Variants in ARHGEF12 observed in about 807,000 individuals in gnomAD.
ARHGEF12 encodes the protein KMT2A/ARHGEF12 fusion protein.
In ARHGEF12, 66 loss-of-function variants were observed where a neutral mutation model predicts 211.2. That is an observed-to-expected ratio of 0.31 (90% CI 0.26 to 0.38). The LOEUF (loss-of-function observed/expected upper bound fraction) is 0.38, where lower values mean the gene tolerates loss of function less well. Ranked by LOEUF, ARHGEF12 falls within the 10% of genes least tolerant of loss-of-function variation. The pLI, the probability that ARHGEF12 is intolerant of heterozygous loss-of-function variation, is 1.00. For synonymous variants in ARHGEF12, 592 were observed against 638.4 expected, an observed-to-expected ratio of 0.93 and a Z score of 1.09; for missense variants, 1,429 against 1,869.5, an observed-to-expected ratio of 0.76 and a Z score of 4.34.
intron 30 of ARHGEF12, among the ~76,000 whole-genome samples, chr11:120,472,721 C>G (rs185849949): frequency 2.0e-4 from 31 of 151,764 alleles, no homozygotes; most frequent in African/African-American, 6.5e-4. Flanking sequence ...GTGGCGTGAT[C>G]TCGGCTCACT....
rs1480934260 is a variant in ARHGEF12, at chr11:120,480,356, A to G, written c.4163A>G (p.His1388Arg). The G allele has an allele frequency of 3.7e-6, 6 of 1,614,228 alleles. No individual in the cohort carries two copies. The highest frequency in any genetic ancestry group is 1.7e-5 in the Admixed American group (1 of 60,032). The change falls in exon 38 of 41, where the codon CAT becomes CGT. Residue 1388 changes from histidine (H) to arginine (R), a missense_variant. Coordinates refer to ENST00000397843, the MANE Select transcript of ARHGEF12 (RefSeq NM_015313.3). ...GEHFFDAREA[H>R]SDENPSEGDG... ...CACTTTTTTGATGCCCGTGAAGCAC[A>G]TAGTGATGAGAATCCATCAGAAGGT...
At chr11:120,455,957 G>A (rs1002091530) in intron 22 of ARHGEF12, among the ~76,000 whole-genome samples, 1 of 152,184 alleles carries the variant, frequency 6.6e-6, no homozygotes, top group Non-Finnish European at 1.5e-5. Flanking sequence ...TGGTGTGTAA[G>A]AAAGACTTTA....
chr11:120,484,185 T>G (rs1947337622), intron 39 of ARHGEF12, among the ~76,000 whole-genome samples: 1 of 152,246 alleles, frequency 6.6e-6, no homozygotes, highest in African/African-American at 2.4e-5. Context: ...GAATTGCATC[T>G]ATGGTTACCA....
chr11:120,393,857 CT>C (rs143984006), intron 1 of ARHGEF12, among the ~76,000 whole-genome samples: 217 of 145,218 alleles, frequency 1.5e-3, no homozygotes, highest in Middle Eastern at 3.6e-3. Context: ...CAACCAAATA[CT>C]TTTTTTTTTT....
At chr11:120,483,233 G>A (rs1947301377) in intron 39 of ARHGEF12, among the ~76,000 whole-genome samples, 1 of 145,826 alleles carries the variant, frequency 6.9e-6, no homozygotes, top group South Asian at 2.2e-4. Flanking sequence ...CACACACCAG[G>A]TTTCTACATG....
At chr11:120,436,544 C>T (rs1228977868) in intron 11 of ARHGEF12, among the ~76,000 whole-genome samples, 1 of 152,132 alleles carries the variant, frequency 6.6e-6, no homozygotes, top group Non-Finnish European at 1.5e-5. Flanking sequence ...CAGAAGTTCT[C>T]AGTATTTGTG....
Position 120,478,309 on chromosome 11 carries a change from GAGA to G in ARHGEF12, c.3690_3692del (p.Glu1230del). On this transcript the variant is annotated inframe_deletion, in exon 37 of 41. Transcript: ENST00000397843. ...ACAGATGGGACACTAAAGGAAGTTG[GAGA>G]AGATTATCAAATCGCAATCCCAGAT... is the stretch of plus-strand genomic sequence containing the variant. 6.2e-7 allele frequency: 1 copy of G among 1,614,200 alleles called. No individual in the cohort carries two copies.
intron 6 of ARHGEF12, among the ~76,000 whole-genome samples, chr11:120,423,085 A>C (rs187939017): frequency 1.3e-5 from 2 of 152,322 alleles, no homozygotes; most frequent in East Asian, 3.9e-4. Flanking sequence ...ATTCTAAAAG[A>C]AAAATGGGCA....
At chr11:120,369,312 A>G (rs1325990154) in intron 1 of ARHGEF12, among the ~76,000 whole-genome samples, 1 of 152,060 alleles carries the variant, frequency 6.6e-6, no homozygotes, top group Non-Finnish European at 1.5e-5. Context: ...TATGTTTAGT[A>G]GAGACGGGGT....
At chr11:120,416,902 AG>A (rs1186812628) in intron 4 of ARHGEF12, among the ~76,000 whole-genome samples, 2 of 152,150 alleles carry the variant, frequency 1.3e-5, no homozygotes, top group Non-Finnish European at 2.9e-5. Context: ...CGCCCATCTC[AG>A]CCTTCCAAAT....
chr11:120,476,238 A>C (rs900487955), intron 33 of ARHGEF12: 1 of 155,728 alleles, frequency 6.4e-6, no homozygotes, highest in South Asian at 1.9e-4. Context: ...GACCTGGCTA[A>C]TTTTTTTGTT....
At chr11:120,441,838 G>T in intron 14 of ARHGEF12, 21 bp downstream of exon 14, 1 of 1,601,122 alleles carries the variant, frequency 6.2e-7, no homozygotes. Flanking sequence ...TTACAATCTA[G>T]CAGATTCAGA....
At chr11:120,376,367 G>C (rs1021435575) in intron 1 of ARHGEF12, among the ~76,000 whole-genome samples, 12 of 152,140 alleles carry the variant, frequency 7.9e-5, no homozygotes, top group African/African-American at 2.9e-4. Context: ...GAACAACTTA[G>C]GTTCGTATTT....
Position 120,460,648 on chromosome 11 carries a change from G to A in ARHGEF12, c.2528-24G>A, listed in dbSNP as rs374165178. 68 of 1,601,328 alleles carry A rather than the reference G, an allele frequency of 4.2e-5. No individual in the cohort carries two copies. In the African/African-American group the frequency reaches 5.6e-4, roughly 13 times the overall value. On this transcript the variant is annotated intron_variant, in intron 26 of 40. Coordinates refer to ENST00000397843, the MANE Select transcript of ARHGEF12 (RefSeq NM_015313.3). ...TGTCTACACTGAATGTGTTACTAACGTTTTTCTATCTTTTTATCTTTAGTT... is the reference window on the plus strand; with the variant it reads ...TGTCTACACTGAATGTGTTACTAACATTTTTCTATCTTTTTATCTTTAGTT...
At chr11:120,451,271 C>T (rs1361469065) in intron 21 of ARHGEF12, 6 of 355,318 alleles carry the variant, frequency 1.7e-5, no homozygotes, top group East Asian at 1.1e-4. Flanking sequence ...CTCCGCCTCC[C>T]GGGTTGGAGC....
At chr11:120,337,692 A>G in intron 1 of ARHGEF12, 1 of 985,378 alleles carries the variant, frequency 1.0e-6, no homozygotes, top group Non-Finnish European at 1.2e-6. Flanking sequence ...CATTTTAGGA[A>G]TTTCTACCTG....
chr11:120,429,302 TA>T (rs1945455284), intron 8 of ARHGEF12, 137 bp from the exon 9 acceptor site: 2 of 597,050 alleles, frequency 3.3e-6, no homozygotes, highest in Non-Finnish European at 5.8e-6. Context: ...CCTGTCCACA[TA>T]ACCCGGAAGT....
intron 1 of ARHGEF12, among the ~76,000 whole-genome samples, chr11:120,360,830 A>T (rs1190533724): frequency 5.9e-5 from 9 of 152,242 alleles, no homozygotes; most frequent in Non-Finnish European, 1.3e-4. Context: ...TAAAAAAATT[A>T]AAAGTGGAAT....
chr11:120,345,276 C>T (rs768770576), intron 1 of ARHGEF12, among the ~76,000 whole-genome samples: 3 of 152,168 alleles, frequency 2.0e-5, no homozygotes, highest in Admixed American at 2.0e-4. Context: ...CTAGAGCAAA[C>T]CTCTTTGCCA....
Sources: allele counts gnomAD v4.1 joint callset (sites outside exome capture counted in the v4.1 genomes callset), GRCh38; gene constraint gnomAD v4.1.1; transcripts MANE v1.5; gene names NCBI Gene and HGNC (gene_info 2026-07-23, HGNC 2026-07-21).